The following ROBO1 variants were observed in gnomAD, a reference collection of about 807,000 sequenced individuals.
The protein encoded by ROBO1 is roundabout guidance receptor 1.
Under a neutral mutation model 195.9 loss-of-function variants are expected in ROBO1, and 149 were observed. The observed-to-expected ratio is 0.76, with a 90% CI of 0.67 to 0.87. The LOEUF (loss-of-function observed/expected upper bound fraction) is 0.87, where lower values mean the gene tolerates loss of function less well. Among genes scored for constraint, ROBO1 ranks in the 40% least tolerant of loss-of-function variants. ROBO1 has a pLI of 0.00. For synonymous variants in ROBO1, 816 were observed against 733.2 expected (o/e 1.11, Z -1.82); for missense variants, 1,933 against 2,068.3 (o/e 0.93, Z 1.27).
At chr3:79,475,528 T>C (rs1227133511) in intron 2 of ROBO1, among the ~76,000 whole-genome samples, 1 of 152,028 alleles carries the variant, frequency 6.6e-6, no homozygotes, top group Admixed American at 6.6e-5. Context: ...ATGGCAATCA[T>C]AGAAGAAATT....
At chr3:79,369,058 A>G (rs1242485425) in intron 2 of ROBO1, among the ~76,000 whole-genome samples, 1 of 152,232 alleles carries the variant, frequency 6.6e-6, no homozygotes, top group Non-Finnish European at 1.5e-5. Context: ...ATATGATAAC[A>G]TTCACAAAAG....
chr3:79,639,801 C>G (rs1337705013), intron 1 of ROBO1, among the ~76,000 whole-genome samples: 1 of 152,130 alleles, frequency 6.6e-6, no homozygotes, highest in Non-Finnish European at 1.5e-5. Flanking sequence ...GCTAGTACTT[C>G]TCATATTATG....
chr3:79,049,418 T>C (rs141522520), intron 3 of ROBO1, among the ~76,000 whole-genome samples: 88 of 152,230 alleles, frequency 5.8e-4, no homozygotes, highest in African/African-American at 1.5e-3. Flanking sequence ...AAATCTACAT[T>C]TGATTGGTGT....
chr3:78,922,955 T>C (rs72904237), intron 4 of ROBO1, among the ~76,000 whole-genome samples: 2 of 152,116 alleles, frequency 1.3e-5, no homozygotes, highest in African/African-American at 4.8e-5. Flanking sequence ...CCATTAGAAA[T>C]ATCAGAAGTT....
chr3:79,083,451 A>C (rs963350268), intron 3 of ROBO1, among the ~76,000 whole-genome samples: 1 of 152,176 alleles, frequency 6.6e-6, no homozygotes, highest in Non-Finnish European at 1.5e-5. Flanking sequence ...ACATTTATCT[A>C]TTTATAACCT....
chr3:79,754,737 A>G (rs1704297383), intron 1 of ROBO1, among the ~76,000 whole-genome samples: 1 of 152,196 alleles, frequency 6.6e-6, no homozygotes, highest in African/African-American at 2.4e-5. Flanking sequence ...CTCTGGAATT[A>G]GCAACTAAGG....
intron 4 of ROBO1, among the ~76,000 whole-genome samples, chr3:78,932,423 G>A (rs1291229891): frequency 6.6e-6 from 1 of 152,156 alleles, no homozygotes; most frequent in Non-Finnish European, 1.5e-5. Context: ...AAAAGGAGTA[G>A]TTCATGAGAC....
intron 3 of ROBO1, among the ~76,000 whole-genome samples, chr3:79,085,616 G>C (rs1219316317): frequency 6.6e-6 from 1 of 152,170 alleles, no homozygotes; most frequent in African/African-American, 2.4e-5. Context: ...TGTGGGGCCT[G>C]TCACTGCCAC....
chr3:78,804,624 T>TA (rs1188244918), intron 4 of ROBO1, among the ~76,000 whole-genome samples: 1 of 148,102 alleles, frequency 6.8e-6, no homozygotes, highest in Admixed American at 6.9e-5. Flanking sequence ...GGGAAAAAAA[T>TA]AAAGTTATTG....
intron 2 of ROBO1, among the ~76,000 whole-genome samples, chr3:79,385,175 AT>A (rs2036698011): frequency 6.6e-6 from 1 of 152,124 alleles, no homozygotes; most frequent in Admixed American, 6.6e-5. Context: ...CACTATTTGT[AT>A]TTCTTAAATT....
At position 79,451,631 on chromosome 3, in the gene ROBO1, T is replaced by C. The variant is rs149386944; in HGVS notation, c.88+138193A>G. 1.5e-3 allele frequency among the ~76,000 whole-genome samples: 228 copies of C among 152,202 alleles called. 1 individual carries two copies. Among genetic ancestry groups the C allele is most frequent in the Middle Eastern group, 3.4e-3 (1 of 292 alleles). The stretch of plus-strand genomic sequence containing the variant: ...AATATTCACTGCAGCTGTGTTTAGT[T>C]TAGTGGATTGATTGGATGATCTATC... On this transcript the variant is annotated intron_variant, in intron 2 of 30. Transcript: ENST00000464233.
intron 8 of ROBO1, among the ~76,000 whole-genome samples, chr3:78,707,877 T>A (rs1475187244): frequency 6.6e-6 from 1 of 152,164 alleles, no homozygotes; most frequent in Non-Finnish European, 1.5e-5. Flanking sequence ...TAGTTCCTGT[T>A]GTGAGAGAGA....
chr3:78,708,017 T>A (rs2081594479), intron 8 of ROBO1, among the ~76,000 whole-genome samples: 1 of 152,168 alleles, frequency 6.6e-6, no homozygotes. Flanking sequence ...GACACAGCGA[T>A]GGGAACATGA....
At chr3:78,720,898 A>G (rs1338311389) in intron 5 of ROBO1, among the ~76,000 whole-genome samples, 1 of 151,040 alleles carries the variant, frequency 6.6e-6, no homozygotes, top group Non-Finnish European at 1.5e-5. Context: ...GAACAATGAG[A>G]ACACTTGGAC....
At chr3:78,703,761 C>T (rs941977336) in intron 8 of ROBO1, among the ~76,000 whole-genome samples, 8 of 151,460 alleles carry the variant, frequency 5.3e-5, no homozygotes, top group Non-Finnish European at 8.8e-5. Flanking sequence ...TGTGTATATA[C>T]ATATATCTAC....
chr3:78,659,989 C>T (rs1484870040), intron 16 of ROBO1, 182 bp from the exon 17 acceptor site: 35 of 358,708 alleles, frequency 9.8e-5, no homozygotes, highest in Middle Eastern at 8.3e-4. Context: ...GACATGATCT[C>T]GGCTCACTGC....
Position 78,914,397 on chromosome 3 carries a change from T to C in ROBO1, c.499+24204A>G, listed in dbSNP as rs140628348. On this transcript the variant is annotated intron_variant, in intron 4 of 30. Coordinates refer to ENST00000464233, the MANE Select transcript of ROBO1 (RefSeq NM_002941.4). ...ACATTATTTTTCAAACCCTAGTTTATTCAGTGGACATAAGGAATTTTGTTG... is the reference window on the plus strand; with the variant it reads ...ACATTATTTTTCAAACCCTAGTTTACTCAGTGGACATAAGGAATTTTGTTG... Among the ~76,000 whole-genome samples the C allele has an allele frequency of 6.3e-3, 964 of 152,160 alleles. 10 individuals carry two copies. Among genetic ancestry groups the C allele is most frequent in the Middle Eastern group, 0.034 (10 of 294 alleles).
chr3:79,499,034 G>T (rs1310361973), intron 2 of ROBO1, among the ~76,000 whole-genome samples: 1 of 151,104 alleles, frequency 6.6e-6, no homozygotes, highest in Non-Finnish European at 1.5e-5. Flanking sequence ...TGCTTTTGTC[G>T]CCCAGGCTGG....
intron 3 of ROBO1, among the ~76,000 whole-genome samples, chr3:79,026,171 T>C (rs1002076181): frequency 1.3e-5 from 2 of 152,120 alleles, no homozygotes; most frequent in African/African-American, 4.8e-5. Context: ...TAACAAGCAG[T>C]ATTTATATGA....
Sources: allele counts gnomAD v4.1 joint callset (sites outside exome capture counted in the v4.1 genomes callset), GRCh38; gene constraint gnomAD v4.1.1; transcripts MANE v1.5; gene names NCBI Gene and HGNC (gene_info 2026-07-23, HGNC 2026-07-21).